ATG2B: variants seen among roughly 807,000 people sequenced by gnomAD.
The protein encoded by ATG2B is autophagy-related protein 2 homolog B.
ATG2B carries 121 observed loss-of-function variants against 241.3 expected under a neutral mutation model. The observed-to-expected ratio is 0.50, with a 90% CI of 0.43 to 0.58. The LOEUF (loss-of-function observed/expected upper bound fraction) is 0.58. Ranked by LOEUF, ATG2B falls within the 20% of genes least tolerant of loss-of-function variation. ATG2B has a pLI of 0.00. For synonymous variants in ATG2B, 858 were observed against 876.6 expected (o/e 0.98, Z 0.37); for missense variants, 2,306 against 2,491.6 (o/e 0.93, Z 1.59).
chr14:96,315,314 T>C, intron 22 of ATG2B, 70 bp downstream of exon 22: 4 of 1,582,728 alleles, frequency 2.5e-6, no homozygotes, highest in South Asian at 1.1e-5. Context: ...AAAATAAATA[T>C]GTTGCCTTTT....
Position 96,334,482 on chromosome 14 carries a change from A to C in ATG2B, c.944T>G (p.Ile315Arg). The C allele has an allele frequency of 6.2e-7, 1 of 1,603,142 alleles. No individual in the cohort carries two copies. The highest frequency in any genetic ancestry group is 8.5e-7 in the Non-Finnish European group (1 of 1,175,362). ...TGACAGGAGTAGATGAATAGAGTCT[A>C]TCTGTCCATCAACATCCAACTTAAG... The part of the protein sequence containing the change: ...PGAKLDVDGQ[I>R]DSIHLLLSPR... The change falls in exon 7 of 42, where the codon ATA becomes AGA. Residue 315 changes from isoleucine (I) to arginine (R), a missense_variant. Coordinates refer to ENST00000359933, the MANE Select transcript of ATG2B (RefSeq NM_018036.7).
At chr14:96,351,911 A>AAG (rs1041726473) in intron 1 of ATG2B, among the ~76,000 whole-genome samples, 2 of 151,416 alleles carry the variant, frequency 1.3e-5, no homozygotes, top group African/African-American at 4.9e-5. Context: ...CAAAAAAAAA[A>AAG]AAAAGAAAAA....
At chr14:96,352,594 T>C (rs1258401971) in intron 1 of ATG2B, among the ~76,000 whole-genome samples, 2 of 151,070 alleles carry the variant, frequency 1.3e-5, no homozygotes, top group African/African-American at 4.9e-5. Flanking sequence ...TCTTAGTTTT[T>C]GACAAAAAAG....
intron 33 of ATG2B, 102 bp downstream of exon 33, chr14:96,302,959 A>G: frequency 1.2e-6 from 1 of 849,912 alleles, no homozygotes; most frequent in Non-Finnish European, 1.7e-6. Flanking sequence ...AAAATGAGAA[A>G]AGATATCTAG....
At chr14:96,334,609 T>C in intron 6 of ATG2B, 108 bp from the exon 7 acceptor site, 1 of 579,496 alleles carries the variant, frequency 1.7e-6, no homozygotes, top group Non-Finnish European at 2.9e-6. Flanking sequence ...TCTTTAGTCT[T>C]GGAGTCCTTC....
chr14:96,308,460 C>CT (rs573746586), intron 29 of ATG2B, among the ~76,000 whole-genome samples: 282 of 115,606 alleles, frequency 2.4e-3, no homozygotes, highest in South Asian at 8.2e-3. Flanking sequence ...CCACATCTAG[C>CT]TTTTTTTTTT....
At chr14:96,297,269 A>C (rs1302728416) in intron 34 of ATG2B, among the ~76,000 whole-genome samples, 3 of 151,460 alleles carry the variant, frequency 2.0e-5, no homozygotes, top group African/African-American at 7.3e-5. Context: ...AAAACAGCAA[A>C]TTTTCAGGTA....
intron 1 of ATG2B, among the ~76,000 whole-genome samples, chr14:96,358,223 C>G (rs1416919565): frequency 6.6e-6 from 1 of 152,036 alleles, no homozygotes; most frequent in African/African-American, 2.4e-5. Flanking sequence ...ATCACTTGAG[C>G]CCAGGAGGTC....
Position 96,289,808 on chromosome 14 carries a change from G to A in ATG2B, c.5857-3C>T, listed in dbSNP as rs1288885318. 2 of 1,613,628 alleles carry A rather than the reference G, an allele frequency of 1.2e-6. No homozygotes were observed. The highest frequency in any genetic ancestry group is 2.7e-5 in the African/African-American group (2 of 74,980). The stretch of plus-strand genomic sequence containing the variant: ...TCATAAGCAGTCTCTGCAGCTGCCT[G>A]GATCATTTTGTCAAAAGGAAGAAAT... On this transcript the variant is annotated splice_polypyrimidine_tract_variant and splice_region_variant and intron_variant, in intron 40 of 41. Transcript: ENST00000359933. The surrounding 1 kb of genome is among the most constrained non-coding windows in gnomAD (Gnocchi z 4.3).
intron 25 of ATG2B, among the ~76,000 whole-genome samples, chr14:96,312,701 G>C (rs1271238662): frequency 2.0e-5 from 3 of 152,094 alleles, no homozygotes; most frequent in African/African-American, 7.2e-5. Flanking sequence ...AATAAGCTGT[G>C]ATCATGCCAC....
At chr14:96,335,847 A>G (rs921819769) in intron 6 of ATG2B, among the ~76,000 whole-genome samples, 12 of 152,242 alleles carry the variant, frequency 7.9e-5, no homozygotes, top group African/African-American at 2.9e-4. Flanking sequence ...TAGAATGGCC[A>G]ATCAAGAGTT....
intron 36 of ATG2B, chr14:96,292,837 T>C (rs917624246): frequency 6.6e-6 from 1 of 152,260 alleles, no homozygotes; most frequent in African/African-American, 2.4e-5. Flanking sequence ...CCTTTATGGA[T>C]ACCAAACCCC....
chr14:96,345,533 A>G, intron 2 of ATG2B, 148 bp from the exon 3 acceptor site: 1 of 551,290 alleles, frequency 1.8e-6, no homozygotes, highest in Non-Finnish European at 2.9e-6. Flanking sequence ...AATATTCTAG[A>G]AAGTACTCTT....
In ATG2B at chr14:96,309,595, C is replaced by T; in HGVS notation, c.4162-1G>A. 6.3e-7 allele frequency: 1 copy of T among 1,597,634 alleles called. No individual in the cohort carries two copies. Among genetic ancestry groups the T allele is most frequent in the Non-Finnish European group, 8.5e-7 (1 of 1,172,232 alleles). On this transcript the variant is annotated splice_acceptor_variant, in intron 28 of 41. Transcript: ENST00000359933. LOFTEE classifies it high-confidence loss of function. Reference sequence around the variant, plus strand: ...AGGATGATCGACCACTGGAATCTACCTATAGCCAAAAAACCTAATTAAAAA... The same window carrying T: ...AGGATGATCGACCACTGGAATCTACTTATAGCCAAAAAACCTAATTAAAAA...
At chr14:96,295,820 GAGAC>G (rs1342784605) in intron 34 of ATG2B, among the ~76,000 whole-genome samples, 2 of 151,800 alleles carry the variant, frequency 1.3e-5, no homozygotes, top group African/African-American at 4.8e-5. Context: ...TGAAAACTGA[GAGAC>G]AGAAGTTAAA....
chr14:96,346,133 A>T (rs1265948459), intron 2 of ATG2B, among the ~76,000 whole-genome samples: 3 of 152,166 alleles, frequency 2.0e-5, no homozygotes, highest in Non-Finnish European at 4.4e-5. Flanking sequence ...AATGTGGCAG[A>T]AGTAGTAGAT....
chr14:96,319,880 A>G (rs901270347), intron 18 of ATG2B, among the ~76,000 whole-genome samples: 7 of 152,188 alleles, frequency 4.6e-5, no homozygotes, highest in Non-Finnish European at 8.8e-5. Flanking sequence ...GAAAATACAA[A>G]GCCGGATAAG....
At chr14:96,345,141 C>A in intron 3 of ATG2B, 92 bp downstream of exon 3, 4 of 885,978 alleles carry the variant, frequency 4.5e-6, no homozygotes, top group South Asian at 4.3e-5. Flanking sequence ...AAATCCATTC[C>A]AATGGATTTG....
At position 96,315,183 on chromosome 14, in the gene ATG2B, G is replaced by C. The variant is rs765740564; in HGVS notation, c.3613C>G (p.Leu1205Val). The change falls in exon 23 of 42, where the codon CTT (leucine) becomes GTT (valine). Residue 1205 changes from leucine to valine, a missense_variant. Leu to Val is a conservative substitution (Grantham distance 32, BLOSUM62 1). This residue lies in a region of ATG2B where 1,927 missense variants were observed against 2,011.2 expected (regional missense o/e 0.96). Coordinates refer to ENST00000359933, the MANE Select transcript of ATG2B (RefSeq NM_018036.7). The part of the protein sequence containing the change: ...LKGATLQHRM[L>V]PSGLSWHEQI... ...TCATGCCAGCTAAGCCCAGAAGGAA[G>C]CATTCTATGCTGGAGAGTGGCTCCT... 1 of 1,614,148 alleles carries C rather than the reference G, an allele frequency of 6.2e-7. No homozygotes were observed.
Sources: allele counts gnomAD v4.1 joint callset (sites outside exome capture counted in the v4.1 genomes callset), GRCh38; gene constraint gnomAD v4.1.1; regional missense constraint gnomAD v4.1.1; non-coding constraint Gnocchi (gnomAD v3.1); transcripts MANE v1.5; gene names NCBI Gene and HGNC (gene_info 2026-07-23, HGNC 2026-07-21).